Variants in PHB1 observed in about 807,000 individuals in gnomAD.
PHB1 encodes the protein epididymis luminal protein 215.
At chr17:49,408,516 G>A in the PHB1 span, among the ~76,000 whole-genome samples, 2 of 152,186 alleles carry the variant, frequency 1.3e-5, no homozygotes, top group South Asian at 2.1e-4. Context: ...GATAGCTTAC[G>A]CCTCAGAGAT....
At chr17:49,406,923 A>G in the PHB1 span, 1 of 1,136,058 alleles carries the variant, frequency 8.8e-7, no homozygotes, top group Non-Finnish European at 1.3e-6. Flanking sequence ...GGAGGGCTCC[A>G]TGGCCGCTGG....
At chr17:49,414,160 C>T in the PHB1 span, 99 of 152,314 alleles carry the variant, frequency 6.5e-4, 1 homozygote, top group African/African-American at 2.1e-3. Flanking sequence ...AGAGAGGTTA[C>T]ATGAGAAGCC....
the PHB1 span, among the ~76,000 whole-genome samples, chr17:49,405,427 C>T: frequency 6.6e-6 from 1 of 152,210 alleles, no homozygotes; most frequent in Non-Finnish European, 1.5e-5. Flanking sequence ...GGGAGGGATA[C>T]ATCTCTGTTG....
the PHB1 span, among the ~76,000 whole-genome samples, chr17:49,411,117 A>G: frequency 1.3e-5 from 2 of 152,168 alleles, 1 homozygote; most frequent in Admixed American, 1.3e-4. Context: ...TAGTTTTAGA[A>G]ATAGGTACAT....
chr17:49,404,653 G>A, the PHB1 span: 1 of 377,202 alleles, frequency 2.7e-6, no homozygotes, highest in South Asian at 2.2e-5. Flanking sequence ...GTGCTCCCCA[G>A]TCCATCACAT....
the PHB1 span, chr17:49,413,251 A>G: frequency 8.1e-6 from 13 of 1,607,628 alleles, no homozygotes; most frequent in African/African-American, 1.1e-4. Flanking sequence ...GGACTCAAAC[A>G]CTTTGGCAGC....
At chr17:49,409,444 T>A in the PHB1 span, 3 of 1,609,816 alleles carry the variant, frequency 1.9e-6, no homozygotes, top group Non-Finnish European at 2.5e-6. Flanking sequence ...CGGAAGAGGA[T>A]GCGCAGTGTG....
the PHB1 span, chr17:49,411,666 G>A: frequency 6.8e-6 from 11 of 1,612,326 alleles, no homozygotes; most frequent in Non-Finnish European, 9.3e-6. Context: ...CTGAACCATA[G>A]GCAAGACTCA....
At chr17:49,409,534 T>G in the PHB1 span, 4 of 1,065,202 alleles carry the variant, frequency 3.8e-6, no homozygotes, top group Non-Finnish European at 5.2e-6. Context: ...AAACAAGTGT[T>G]TTTTTTTTGT....
At chr17:49,405,357 G>A in the PHB1 span, among the ~76,000 whole-genome samples, 2 of 152,158 alleles carry the variant, frequency 1.3e-5, no homozygotes, top group Non-Finnish European at 2.9e-5. Flanking sequence ...GGAAGCGGGG[G>A]GAAGCAGAGC....
the PHB1 span, among the ~76,000 whole-genome samples, chr17:49,406,535 G>T: frequency 6.6e-6 from 1 of 152,222 alleles, no homozygotes; most frequent in African/African-American, 2.4e-5. Context: ...AGAAGTGGAA[G>T]AAAAATTACC....
the PHB1 span, chr17:49,412,134 C>A: frequency 3.4e-6 from 1 of 294,698 alleles, no homozygotes; most frequent in Non-Finnish European, 6.3e-6. Flanking sequence ...TGAACTCCCA[C>A]CAACATATTT....
At chr17:49,412,877 T>C in the PHB1 span, 1 of 288,040 alleles carries the variant, frequency 3.5e-6, no homozygotes, top group East Asian at 7.4e-5. Flanking sequence ...CCAGACACTG[T>C]GCGGCAGCAT....
At chr17:49,404,986 G>T in the PHB1 span, 2 of 1,547,078 alleles carry the variant, frequency 1.3e-6, no homozygotes, top group Middle Eastern at 1.7e-4. Flanking sequence ...CAGGCAGGGT[G>T]GGCCCTCACT....
At chr17:49,406,982 A>G in the PHB1 span, 1 of 696,658 alleles carries the variant, frequency 1.4e-6, no homozygotes, top group South Asian at 1.5e-5. Flanking sequence ...CCGTGAGGCC[A>G]GAACACTCTT....
At chr17:49,405,267 A>C in the PHB1 span, 1 of 1,430,378 alleles carries the variant, frequency 7.0e-7, no homozygotes, top group Non-Finnish European at 9.7e-7. Flanking sequence ...GGCTACAACC[A>C]AAGGCCCTTC....
At chr17:49,405,950 G>A in the PHB1 span, among the ~76,000 whole-genome samples, 1 of 152,194 alleles carries the variant, frequency 6.6e-6, no homozygotes, top group Non-Finnish European at 1.5e-5. Flanking sequence ...ACAGCTCTCT[G>A]CAACGTGTGA....
At chr17:49,408,906 C>T in the PHB1 span, 1 of 664,778 alleles carries the variant, frequency 1.5e-6, no homozygotes, top group Non-Finnish European at 2.7e-6. Context: ...CTCACCTCAG[C>T]ATGTTTCCGT....
the PHB1 span, among the ~76,000 whole-genome samples, chr17:49,413,662 C>T: frequency 6.6e-6 from 1 of 151,960 alleles, no homozygotes; most frequent in South Asian, 2.1e-4. Context: ...AAGTGTGCCA[C>T]CATGCCCGGC....
Sources: allele counts gnomAD v4.1 joint callset (sites outside exome capture counted in the v4.1 genomes callset), GRCh38; gene constraint gnomAD v4.1.1; transcripts MANE v1.5; gene names NCBI Gene and HGNC (gene_info 2026-07-23, HGNC 2026-07-21).